The following ACOT12 variants were observed in gnomAD, a reference collection of about 807,000 sequenced individuals.
ACOT12 encodes the protein acetyl-coenzyme A thioesterase.
ACOT12 carries 51 observed loss-of-function variants against 67.7 expected under a neutral mutation model. The ratio of observed to expected loss-of-function variants is 0.75; its 90% CI spans 0.60 to 0.95. The LOEUF is 0.95. Among genes scored for constraint, ACOT12 ranks in the 40% least tolerant of loss-of-function variants. ACOT12 has a pLI of 0.00. For synonymous variants in ACOT12, 251 were observed against 244.6 expected (o/e 1.03, Z -0.24); for missense variants, 734 against 708.1 (o/e 1.04, Z -0.41).
intron 5 of ACOT12, among the ~76,000 whole-genome samples, chr5:81,354,925 C>A (rs745949064): frequency 2.6e-5 from 4 of 152,106 alleles, no homozygotes; most frequent in Non-Finnish European, 5.9e-5. Context: ...CTCCTGATCT[C>A]AAGTGATCCG....
chr5:81,317,451 G>A, the ACOT12 span, among the ~76,000 whole-genome samples: 2 of 150,242 alleles, frequency 1.3e-5, no homozygotes, highest in East Asian at 2.0e-4. Flanking sequence ...TCAGTGAGCC[G>A]AGATCGTGCC....
At chr5:81,382,514 T>G (rs989797559) in intron 2 of ACOT12, among the ~76,000 whole-genome samples, 6 of 152,116 alleles carry the variant, frequency 3.9e-5, no homozygotes, top group African/African-American at 1.4e-4. Flanking sequence ...ATAATAACAT[T>G]GCCCAGGCGC....
chr5:81,310,075 A>G, the ACOT12 span, among the ~76,000 whole-genome samples: 1 of 150,522 alleles, frequency 6.6e-6, no homozygotes, highest in Non-Finnish European at 1.5e-5. Flanking sequence ...GGTGCATTTC[A>G]GTTTTGAGCT....
At chr5:81,388,508 T>A (rs1196389195) in intron 1 of ACOT12, among the ~76,000 whole-genome samples, 2 of 152,238 alleles carry the variant, frequency 1.3e-5, no homozygotes, top group African/African-American at 4.8e-5. Context: ...GCTAAGTGAT[T>A]GTAAGTAGGT....
At chr5:81,308,671 C>G in the ACOT12 span, 1 of 1,613,228 alleles carries the variant, frequency 6.2e-7, no homozygotes, top group South Asian at 1.1e-5. Flanking sequence ...CCACAGAGCA[C>G]GAAATAACCA....
chr5:81,362,583 T>A (rs1347892184), intron 4 of ACOT12, among the ~76,000 whole-genome samples: 1 of 152,158 alleles, frequency 6.6e-6, no homozygotes, highest in Non-Finnish European at 1.5e-5. Context: ...TTGCAAGGTG[T>A]ATTCCTTTGT....
the ACOT12 span, among the ~76,000 whole-genome samples, chr5:81,323,077 C>CAAAAAG: frequency 3.6e-5 from 2 of 55,954 alleles, no homozygotes; most frequent in East Asian, 1.1e-3. Flanking sequence ...CCTGGTATAG[C>CAAAAAG]AAAAAGAAAA....
chr5:81,323,420 C>T, the ACOT12 span, among the ~76,000 whole-genome samples: 1 of 152,184 alleles, frequency 6.6e-6, no homozygotes, highest in Non-Finnish European at 1.5e-5. Flanking sequence ...CTTCCCTTTC[C>T]TGGGACCATC....
chr5:81,346,953 T>G (rs1759399888), intron 6 of ACOT12, among the ~76,000 whole-genome samples: 1 of 152,202 alleles, frequency 6.6e-6, no homozygotes, highest in African/African-American at 2.4e-5. Flanking sequence ...CCTACATCTT[T>G]CCATTAAGAA....
At chr5:81,346,049 T>C (rs745418166) in intron 6 of ACOT12, 45 bp from the exon 7 acceptor site, 52 of 1,601,218 alleles carry the variant, frequency 3.2e-5, no homozygotes, top group Middle Eastern at 3.3e-4. Flanking sequence ...GATCACACAT[T>C]CATTCATCGA....
At position 81,359,882 on chromosome 5, in the gene ACOT12, C is replaced by CT. The variant is rs748965713; in HGVS notation, c.496+20dup. 1.3e-5 allele frequency: 20 copies of CT among 1,593,848 alleles called. No individual in the cohort carries two copies. In the Middle Eastern group the frequency reaches 5.0e-4, roughly 40 times the overall value. ...CTGTCACAGTTATAGAATTAAAATT[C>CT]TTATAAGTGGATTTACTGACCATCA... is the stretch of plus-strand genomic sequence containing the variant. On this transcript the variant is annotated intron_variant, in intron 5 of 14. Transcript: ENST00000307624.
At chr5:81,324,007 T>A in the ACOT12 span, among the ~76,000 whole-genome samples, 2 of 151,758 alleles carry the variant, frequency 1.3e-5, no homozygotes, top group Non-Finnish European at 2.9e-5. Context: ...AGTGGTGCGA[T>A]CTTGGCTCAC....
chr5:81,389,665 T>C (rs6452405), intron 1 of ACOT12, among the ~76,000 whole-genome samples: 15,401 of 152,110 alleles, frequency 0.1, 1,948 homozygotes, highest in African/African-American at 0.3. Flanking sequence ...TAGCTGGGAA[T>C]ACAGGCGTGC....
chr5:81,386,531 T>G (rs1023934390), intron 1 of ACOT12, among the ~76,000 whole-genome samples: 4 of 152,122 alleles, frequency 2.6e-5, no homozygotes, highest in Non-Finnish European at 4.4e-5. Flanking sequence ...TTGCTTTACA[T>G]AAAAAACACC....
intron 4 of ACOT12, 144 bp from the exon 5 acceptor site, chr5:81,360,182 T>G (rs1244510940): frequency 1.4e-6 from 1 of 737,234 alleles, no homozygotes; most frequent in Non-Finnish European, 2.0e-6. Context: ...AAACATGTTA[T>G]GACTAAATTT....
chr5:81,377,086 C>T (rs976648420), intron 2 of ACOT12, among the ~76,000 whole-genome samples: 1 of 152,146 alleles, frequency 6.6e-6, no homozygotes, highest in Non-Finnish European at 1.5e-5. Context: ...TGCGAAAATC[C>T]TCAATAAAAT....
intron 1 of ACOT12, among the ~76,000 whole-genome samples, chr5:81,387,595 C>T (rs1275095238): frequency 2.0e-5 from 3 of 148,460 alleles, no homozygotes; most frequent in Non-Finnish European, 3.0e-5. Context: ...TGCAGTGGCA[C>T]GAGCATAGCT....
chr5:81,356,747 A>G (rs1415422092), intron 5 of ACOT12, among the ~76,000 whole-genome samples: 5 of 150,280 alleles, frequency 3.3e-5, no homozygotes, highest in African/African-American at 7.3e-5. Flanking sequence ...CCCACAGCCA[A>G]TCGGTGACCC....
At chr5:81,336,145 C>A (rs939117049) in intron 11 of ACOT12, among the ~76,000 whole-genome samples, 3 of 151,852 alleles carry the variant, frequency 2.0e-5, no homozygotes, top group African/African-American at 7.3e-5. Flanking sequence ...TTAATTATTG[C>A]ACAACAGTTT....
Sources: gnomAD v4.1 joint callset for allele counts (sites outside exome capture counted in the v4.1 genomes callset) on GRCh38, gnomAD v4.1.1 for gene constraint, MANE v1.5 for transcripts, NCBI Gene and HGNC (gene_info 2026-07-23, HGNC 2026-07-21) for gene names.